TMOD2: variants seen among roughly 807,000 people sequenced by gnomAD.
TMOD2 encodes tropomodulin 2.
TMOD2 carries 22 observed loss-of-function variants against 39.9 expected under a neutral mutation model. That is an observed-to-expected ratio of 0.55 (90% CI 0.39 to 0.79). The LOEUF is 0.79. Ranked by LOEUF, TMOD2 falls within the 30% of genes least tolerant of loss-of-function variation. The probability of loss-of-function intolerance (pLI) is 0.00; values close to 1 mark genes in which losing one functional copy is unlikely to be tolerated. For missense variants in TMOD2, 386 were observed against 413.3 expected, an observed-to-expected ratio of 0.93 and a Z score of 0.57; for synonymous variants, 123 against 146.1, an observed-to-expected ratio of 0.84 and a Z score of 1.14.
At chr15:51,752,940 G>C (rs1219166879) in intron 1 of TMOD2, 1 of 152,176 alleles carries the variant, frequency 6.6e-6, no homozygotes, top group Non-Finnish European at 1.5e-5. Context: ...GATGGGGTTT[G>C]TTTTTGTCTT....
intron 5 of TMOD2, among the ~76,000 whole-genome samples, chr15:51,778,414 C>A (rs1307515235): frequency 1.5e-4 from 23 of 148,946 alleles, no homozygotes; most frequent in Non-Finnish European, 3.1e-4. Context: ...TGCAGCACAC[C>A]AGCATGACAC....
chr15:51,782,952 C>T lies in TMOD2; in HGVS notation c.732+124C>T, dbSNP rs1439851318. On this transcript the variant is annotated intron_variant, in intron 7 of 9. Coordinates refer to ENST00000249700, the MANE Select transcript of TMOD2 (RefSeq NM_014548.4). ...ACTTACCTTCTACACAGTTAGTGAG[C>T]AAAATTATAGTTACAATGCAATAGT... is the stretch of plus-strand genomic sequence containing the variant. The T allele has an allele frequency of 1.3e-5, 10 of 770,394 alleles. No homozygotes were observed. In the South Asian group the frequency reaches 1.8e-4, roughly 14 times the overall value. 47.7% of individuals were successfully genotyped at this position (770,394 alleles called of 1,614,324 possible).
At chr15:51,779,814 A>G (rs1321468041) in intron 5 of TMOD2, among the ~76,000 whole-genome samples, 3 of 151,950 alleles carry the variant, frequency 2.0e-5, no homozygotes, top group Non-Finnish European at 2.9e-5. Context: ...CTGAGCAGCT[A>G]GGACTACAGG....
intron 4 of TMOD2, among the ~76,000 whole-genome samples, chr15:51,775,575 T>C (rs1337834555): frequency 2.5e-4 from 32 of 127,798 alleles, no homozygotes; most frequent in South Asian, 1.1e-3. Flanking sequence ...TTTTCCTTTT[T>C]TTTTTTTTTT....
intron 7 of TMOD2, among the ~76,000 whole-genome samples, chr15:51,789,166 T>G (rs1393222950): frequency 6.6e-6 from 1 of 152,050 alleles, no homozygotes; most frequent in Non-Finnish European, 1.5e-5. Flanking sequence ...TGGAGGAAGA[T>G]CTACCAAGCA....
intron 1 of TMOD2, among the ~76,000 whole-genome samples, chr15:51,753,827 C>T (rs986616867): frequency 2.0e-5 from 3 of 151,212 alleles, no homozygotes; most frequent in Non-Finnish European, 4.4e-5. Context: ...AGAATGATGA[C>T]GGTTGGTGAA....
At chr15:51,768,222 G>C in intron 2 of TMOD2, 40 bp from the exon 3 acceptor site, 2 of 1,612,680 alleles carry the variant, frequency 1.2e-6, no homozygotes, top group Non-Finnish European at 1.7e-6. Flanking sequence ...GTACAGGCCG[G>C]CAGACATCTT....
chr15:51,780,067 ATT>A (rs1408009574), intron 5 of TMOD2, among the ~76,000 whole-genome samples: 1 of 152,164 alleles, frequency 6.6e-6, no homozygotes, highest in Non-Finnish European at 1.5e-5. Flanking sequence ...ATTGGTGGAC[ATT>A]TTGTTTATCA....
At chr15:51,793,086 TA>T (rs988093400) in intron 7 of TMOD2, among the ~76,000 whole-genome samples, 176 of 151,950 alleles carry the variant, frequency 1.2e-3, no homozygotes, top group African/African-American at 1.2e-3. Context: ...GTAGCCACAT[TA>T]AAAAAAATAC....
At position 51,809,316 on chromosome 15, in the gene TMOD2, A is replaced by T. The variant is rs1394370750; in HGVS notation, c.*862A>T. On this transcript the variant is annotated 3_prime_UTR_variant, in exon 10 of 10. Coordinates refer to ENST00000249700, the MANE Select transcript of TMOD2 (RefSeq NM_014548.4). The stretch of plus-strand genomic sequence containing the variant: ...AAACAACAATATTGTATCTTAATCA[A>T]GGCTGTCTGATGCAGATGATTGCAT... The T allele has an allele frequency of 6.6e-6, 1 of 152,662 alleles. No individual in the cohort carries two copies. The highest frequency in any genetic ancestry group is 2.4e-5 in the African/African-American group (1 of 41,468). The allele number at this position is 152,662 out of a possible 1,614,324, so 9.5% of individuals were successfully genotyped here. A position where few individuals can be genotyped will look rare whatever the true frequency, so the allele number is the denominator to read the frequency against.
chr15:51,784,002 C>G (rs951121727), intron 7 of TMOD2: 1 of 152,180 alleles, frequency 6.6e-6, no homozygotes, highest in African/African-American at 2.4e-5. Flanking sequence ...TCGTGCTTTC[C>G]ATGCAGCATC....
intron 3 of TMOD2, among the ~76,000 whole-genome samples, chr15:51,771,106 G>A (rs971505832): frequency 5.3e-5 from 8 of 152,178 alleles, no homozygotes; most frequent in Non-Finnish European, 1.2e-4. Flanking sequence ...AGTTAGGAAC[G>A]TAGGAGCTGT....
chr15:51,752,676 C>T (rs2141608344), intron 1 of TMOD2: 1 of 152,374 alleles, frequency 6.6e-6, no homozygotes, highest in East Asian at 1.9e-4. Flanking sequence ...CTCTGTTCTT[C>T]CAAGATTCTC....
chr15:51,802,541 T>C (rs2056097091), intron 8 of TMOD2, among the ~76,000 whole-genome samples: 3 of 152,170 alleles, frequency 2.0e-5, no homozygotes, highest in African/African-American at 4.8e-5. Context: ...ACTCAGATAC[T>C]TGGGAATATA....
At chr15:51,806,791 T>G (rs1220850407) in intron 9 of TMOD2, among the ~76,000 whole-genome samples, 1 of 152,224 alleles carries the variant, frequency 6.6e-6, no homozygotes, top group Non-Finnish European at 1.5e-5. Flanking sequence ...GTGTATTTGT[T>G]TCTCTTTTAC....
intron 7 of TMOD2, among the ~76,000 whole-genome samples, chr15:51,785,183 C>A (rs553340968): frequency 6.6e-6 from 1 of 151,850 alleles, no homozygotes; most frequent in Non-Finnish European, 1.5e-5. Flanking sequence ...GAGGCCGAGG[C>A]GGGTGGATCA....
intron 1 of TMOD2, among the ~76,000 whole-genome samples, chr15:51,760,263 C>T (rs898631502): frequency 3.9e-5 from 6 of 152,214 alleles, no homozygotes; most frequent in African/African-American, 1.4e-4. Flanking sequence ...AAACACATGT[C>T]ACTGGGCTAA....
chr15:51,804,372 TA>T (rs2056108619), intron 8 of TMOD2, among the ~76,000 whole-genome samples: 1 of 152,076 alleles, frequency 6.6e-6, no homozygotes, highest in Non-Finnish European at 1.5e-5. Flanking sequence ...TATAATCCAT[TA>T]ATGTGAAAAA....
At chr15:51,788,222 G>A (rs2055984342) in intron 7 of TMOD2, among the ~76,000 whole-genome samples, 2 of 152,114 alleles carry the variant, frequency 1.3e-5, no homozygotes, top group African/African-American at 4.8e-5. Flanking sequence ...ACTTCGTAAA[G>A]CATACACAAG....
Sources: gnomAD v4.1 joint callset for allele counts (sites outside exome capture counted in the v4.1 genomes callset) on GRCh38, gnomAD v4.1.1 for gene constraint, MANE v1.5 for transcripts, NCBI Gene and HGNC (gene_info 2026-07-23, HGNC 2026-07-21) for gene names.